ABCC5: variants seen among roughly 807,000 people sequenced by gnomAD.
ABCC5 encodes ATP-binding cassette sub-family C member 5.
In ABCC5, 61 loss-of-function variants were observed where a neutral mutation model predicts 160.9. The observed-to-expected ratio is 0.38, with a 90% confidence interval of 0.31 to 0.47. The LOEUF is 0.47. Among genes scored for constraint, ABCC5 ranks in the 20% least tolerant of loss-of-function variants. ABCC5 has a pLI of 0.99. For missense variants in ABCC5, 1,308 were observed against 1,813.3 expected (o/e 0.72, Z 5.06); for synonymous variants, 666 against 700.6 (o/e 0.95, Z 0.78).
At chr3:183,944,416 T>A (rs1714650877) in intron 24 of ABCC5, among the ~76,000 whole-genome samples, 1 of 151,164 alleles carries the variant, frequency 6.6e-6, no homozygotes, top group Non-Finnish European at 1.5e-5. Context: ...AAATAAAAAA[T>A]AAATTAAAAA....
rs2108751150 is a variant in ABCC5, at chr3:183,921,901, G to A, written c.4213-500C>T. On this transcript the variant is annotated intron_variant, in intron 29 of 29. Transcript: ENST00000334444. This position sits in a 1 kb window ranked among gnomAD's most constrained non-coding sequence, Gnocchi z 4.1. ...AAAAATTAGCTGGGCATGGTTGGCG[G>A]GTGCCTACAATCCCAGTGACTTGGG... Among the ~76,000 whole-genome samples the A allele has an allele frequency of 6.6e-6, 1 of 151,662 alleles. No individual in the cohort carries two copies. Among genetic ancestry groups the A allele is most frequent in the East Asian group, 1.9e-4 (1 of 5,140 alleles).
intron 2 of ABCC5, chr3:184,001,277 T>C: frequency 2.0e-6 from 1 of 502,456 alleles, no homozygotes; most frequent in Non-Finnish European, 3.6e-6. Context: ...AAAAGGTAAA[T>C]TAATTTAAAT....
chr3:183,950,651 ATTTAC>A (rs1715262070), intron 20 of ABCC5, among the ~76,000 whole-genome samples: 1 of 151,892 alleles, frequency 6.6e-6, no homozygotes, highest in Admixed American at 6.6e-5. Context: ...TGTTGCTATT[ATTTAC>A]TTTTTTTCTT....
chr3:183,949,283 A>G lies in ABCC5; in HGVS notation c.3227+470T>C, dbSNP rs1317528027. 1.3e-5 allele frequency among the ~76,000 whole-genome samples: 2 copies of G among 152,240 alleles called. No individual in the cohort carries two copies. Among genetic ancestry groups the G allele is most frequent in the Non-Finnish European group, 2.9e-5 (2 of 68,036 alleles). On this transcript the variant is annotated intron_variant, in intron 22 of 29. Coordinates refer to ENST00000334444, the MANE Select transcript of ABCC5 (RefSeq NM_005688.4). This position sits in a 1 kb window ranked among gnomAD's most constrained non-coding sequence, Gnocchi z 4.2. ...CACATAAGTTTCACAAATAAACAAT[A>G]CTCGATGCTTAAATAAAATCTACTC...
Position 183,987,126 on chromosome 3 carries a change from G to A in ABCC5, c.591+644C>T, listed in dbSNP as rs1719290059. 6.2e-6 allele frequency: 1 copy of A among 160,126 alleles called. No individual in the cohort carries two copies. The highest frequency in any genetic ancestry group is 1.4e-5 in the Non-Finnish European group (1 of 72,608). 9.9% of individuals were successfully genotyped at this position (160,126 alleles called of 1,614,324 possible). A position where few individuals can be genotyped will look rare whatever the true frequency, so the allele number is the denominator to read the frequency against. ...AGAATAGATTTAATCAAGGTCTCAA[G>A]TGTAAGGCAGCACAGCAGGTGTAAG... On this transcript the variant is annotated intron_variant, in intron 5 of 29. Transcript: ENST00000334444. The surrounding 1 kb of genome is among the most constrained non-coding windows in gnomAD (Gnocchi z 4.2).
In ABCC5 at chr3:183,978,547, A is replaced by C; in HGVS notation, c.1252T>G (p.Phe418Val). Residue 418 changes from phenylalanine to valine, a missense_variant, in exon 9 of 30, where the codon TTC becomes GTC. Phe to Val is a conservative substitution (Grantham distance 50). Transcript: ENST00000334444. The stretch of plus-strand genomic sequence containing the variant: ...AAGCCCAGGGTCATATGAACAGAGA[A>C]GGTCACCACGCTGGCAATCACCACC... The part of the protein sequence containing the change: ...IVVVIASVVT[F>V]SVHMTLGFDL... The C allele has an allele frequency of 1.9e-6, 3 of 1,614,172 alleles. No homozygotes were observed. The highest frequency in any genetic ancestry group is 2.5e-6 in the Non-Finnish European group (3 of 1,180,018).
At chr3:183,930,290 C>G (rs1333090361) in intron 26 of ABCC5, among the ~76,000 whole-genome samples, 1 of 152,248 alleles carries the variant, frequency 6.6e-6, no homozygotes, top group African/African-American at 2.4e-5. Flanking sequence ...GCTATCTGGG[C>G]ATCTCTCGAT....
chr3:184,015,547 G>C (rs1722121528), intron 1 of ABCC5, among the ~76,000 whole-genome samples: 1 of 152,138 alleles, frequency 6.6e-6, no homozygotes, highest in African/African-American at 2.4e-5. Context: ...CAGATAAAAA[G>C]AGAACACTTA....
Position 183,951,016 on chromosome 3 carries a change from T to G in ABCC5, c.2944+425A>C, listed in dbSNP as rs577414112. On this transcript the variant is annotated intron_variant, in intron 20 of 29. Transcript: ENST00000334444. The surrounding 1 kb of genome is among the most constrained non-coding windows in gnomAD (Gnocchi z 4.7). ...GCCTGCTGCGGGGATTAAGGTAACA[T>G]GCATAAAACACTGAGCATGCTGCTT... 1.5e-3 allele frequency among the ~76,000 whole-genome samples: 229 copies of G among 152,296 alleles called. No homozygotes were observed. The highest frequency in any genetic ancestry group is 2.5e-3 in the Non-Finnish European group (167 of 68,026).
At chr3:183,935,804 T>C (rs915137394) in intron 26 of ABCC5, among the ~76,000 whole-genome samples, 13 of 152,180 alleles carry the variant, frequency 8.5e-5, no homozygotes, top group African/African-American at 1.7e-4. Flanking sequence ...GCCTGACCAA[T>C]AAATTCTAAT....
chr3:183,930,352 A>G (rs1713058785), intron 26 of ABCC5, among the ~76,000 whole-genome samples: 2 of 152,182 alleles, frequency 1.3e-5, no homozygotes, highest in African/African-American at 4.8e-5. Flanking sequence ...TGCCCTTTGC[A>G]CGGCGTTTTT....
Position 183,988,607 on chromosome 3 carries a change from C to A in ABCC5, c.408G>T (p.Leu136=). 6.2e-7 allele frequency: 1 copy of A among 1,614,212 alleles called. No homozygotes were observed. The highest frequency in any genetic ancestry group is 8.5e-7 in the Non-Finnish European group (1 of 1,180,028). ...TCACGTCAGAAGACTCGTGCTTGGA[C>A]AGAGACCACACGTCTTCCATTGAGA... ...GELSMEDVWS[L]SKHESSDVNC... is the part of the protein sequence containing the mutation. Residue 136 remains leucine (L), a synonymous_variant, in exon 4 of 30, where the codon CTG becomes CTT. Transcript: ENST00000334444. This position sits in a 1 kb window ranked among gnomAD's most constrained non-coding sequence, Gnocchi z 4.4.
At chr3:183,954,157 T>TG (rs1277884083) in intron 17 of ABCC5, among the ~76,000 whole-genome samples, 8 of 52,940 alleles carry the variant, frequency 1.5e-4, no homozygotes, top group African/African-American at 3.4e-4. Flanking sequence ...TGTGTGTGTG[T>TG]TTTTTTTTGA....
At chr3:184,011,855 C>T (rs1430006558) in intron 2 of ABCC5, among the ~76,000 whole-genome samples, 1 of 152,030 alleles carries the variant, frequency 6.6e-6, no homozygotes, top group African/African-American at 2.4e-5. Flanking sequence ...GACAAAATTA[C>T]AGAAATGGAG....
intron 2 of ABCC5, among the ~76,000 whole-genome samples, chr3:183,999,044 C>T (rs1369141361): frequency 2.7e-5 from 4 of 150,586 alleles, no homozygotes; most frequent in South Asian, 4.2e-4. Flanking sequence ...GAGCTGAGAT[C>T]GCGCCACTGA....
Position 184,009,975 on chromosome 3 carries a change from C to T in ABCC5, c.129+4289G>A, listed in dbSNP as rs557091295. 6.5e-5 allele frequency: 28 copies of T among 430,132 alleles called. 2 individuals are homozygous for T. Among genetic ancestry groups the T allele is most frequent in the African/African-American group, 4.1e-4 (20 of 48,880 alleles). The allele number at this position is 430,132 out of a possible 1,614,324, so 26.6% of individuals were successfully genotyped here. Reference sequence around the variant, plus strand: ...AACAGCCTGGCCAACAGTGAGAGTGCCTCTACAAAAAAACAAACAAAAAAA... The same window carrying T: ...AACAGCCTGGCCAACAGTGAGAGTGTCTCTACAAAAAAACAAACAAAAAAA... On this transcript the variant is annotated intron_variant, in intron 2 of 29. Coordinates refer to ENST00000334444, the MANE Select transcript of ABCC5 (RefSeq NM_005688.4).
intron 22 of ABCC5, among the ~76,000 whole-genome samples, chr3:183,948,909 G>A (rs1157491427): frequency 6.6e-6 from 1 of 152,090 alleles, no homozygotes; most frequent in African/African-American, 2.4e-5. Flanking sequence ...CCACCATGTT[G>A]GCCAGGCTGG....
intron 5 of ABCC5, chr3:183,984,530 T>C: frequency 8.8e-7 from 1 of 1,135,404 alleles, no homozygotes; most frequent in South Asian, 2.8e-5. Context: ...TTTCCTGAGA[T>C]TAAATTAATA....
At chr3:183,950,688 C>T (rs1208452325) in intron 20 of ABCC5, among the ~76,000 whole-genome samples, 3 of 152,156 alleles carry the variant, frequency 2.0e-5, no homozygotes, top group African/African-American at 7.2e-5. Flanking sequence ...TGTGTGAGCA[C>T]ATGCGTGTGT....
Sources: gnomAD v4.1 joint callset for allele counts (sites outside exome capture counted in the v4.1 genomes callset) on GRCh38, gnomAD v4.1.1 for gene constraint, Gnocchi (gnomAD v3.1) non-coding constraint, MANE v1.5 for transcripts, NCBI Gene and HGNC (gene_info 2026-07-23, HGNC 2026-07-21) for gene names.